GRB10: variants seen among roughly 807,000 people sequenced by gnomAD.
GRB10 encodes the protein growth factor receptor-bound protein 10.
In GRB10, 20 loss-of-function variants were observed where a neutral mutation model predicts 80.9. That is an observed-to-expected ratio of 0.25 (90% CI 0.17 to 0.36). The LOEUF is 0.36. Ranked by LOEUF, GRB10 falls within the 10% of genes least tolerant of loss-of-function variation. The pLI is 1.00. For missense variants in GRB10, 548 were observed against 747.7 expected, an observed-to-expected ratio of 0.73 and a Z score of 3.12; for synonymous variants, 291 against 291.5, an observed-to-expected ratio of 1.00 and a Z score of 0.02.
At chr7:50,593,379 C>T (rs1327148849) in intron 18 of GRB10, among the ~76,000 whole-genome samples, 3 of 151,988 alleles carry the variant, frequency 2.0e-5, no homozygotes, top group Non-Finnish European at 2.9e-5. Context: ...GGGAAGGGCT[C>T]GAAGTTGCCC....
chr7:50,761,814 A>C (rs2075797710), intron 2 of GRB10: 3 of 152,290 alleles, frequency 2.0e-5, no homozygotes, highest in Admixed American at 1.3e-4. Flanking sequence ...TGAATGGTTT[A>C]GCACCATCCT....
chr7:50,726,516 T>C (rs1403400084), intron 4 of GRB10, among the ~76,000 whole-genome samples: 2 of 152,188 alleles, frequency 1.3e-5, no homozygotes, highest in African/African-American at 4.8e-5. Context: ...TTTGAGAAGA[T>C]TTAGGCATTA....
At chr7:50,732,478 C>A (rs2069984379) in intron 3 of GRB10, 110 bp from the exon 4 acceptor site, 4 of 706,012 alleles carry the variant, frequency 5.7e-6, no homozygotes, top group East Asian at 2.7e-5. Context: ...TTGGTCTTAG[C>A]TTGTAGGTTC....
intron 4 of GRB10, among the ~76,000 whole-genome samples, chr7:50,726,502 G>C (rs973632821): frequency 1.3e-5 from 2 of 152,094 alleles, no homozygotes; most frequent in African/African-American, 4.8e-5. Flanking sequence ...TGAGGATGAT[G>C]ATGTTTGAGA....
At chr7:50,676,511 G>A (rs1458814436) in intron 5 of GRB10, among the ~76,000 whole-genome samples, 1 of 152,158 alleles carries the variant, frequency 6.6e-6, no homozygotes, top group Non-Finnish European at 1.5e-5. Flanking sequence ...AGGCCTGGAA[G>A]AATTAAATCA....
chr7:50,714,673 A>AC (rs1486198723), intron 4 of GRB10, among the ~76,000 whole-genome samples: 2 of 149,794 alleles, frequency 1.3e-5, no homozygotes, highest in Non-Finnish European at 3.0e-5. Flanking sequence ...AAAAAAAAAA[A>AC]CAAAAAACGG....
intron 4 of GRB10, 104 bp downstream of exon 4, chr7:50,732,168 G>A (rs2069885325): frequency 8.6e-7 from 1 of 1,168,592 alleles, no homozygotes; most frequent in Non-Finnish European, 1.3e-6. Flanking sequence ...GTGTCCTAGT[G>A]ACCTGAGAGC....
chr7:50,620,311 T>C (rs1282186947), intron 8 of GRB10, among the ~76,000 whole-genome samples: 3 of 152,176 alleles, frequency 2.0e-5, no homozygotes, highest in Non-Finnish European at 2.9e-5. Flanking sequence ...CCTAAGACCC[T>C]ACCCTCCTCT....
chr7:50,721,248 C>A (rs11238297), intron 4 of GRB10, among the ~76,000 whole-genome samples: 88,104 of 152,068 alleles, frequency 0.58, 27,186 homozygotes, highest in Middle Eastern at 0.79. Flanking sequence ...ATAAATAATT[C>A]ATCAGTTTCA....
chr7:50,718,993 CA>C (rs2153683421), intron 4 of GRB10, among the ~76,000 whole-genome samples: 1 of 152,278 alleles, frequency 6.6e-6, no homozygotes, highest in South Asian at 2.1e-4. Context: ...CTGATCCATT[CA>C]ACAAATATTT....
chr7:50,656,774 A>G (rs1164446059), intron 7 of GRB10, among the ~76,000 whole-genome samples: 1 of 152,266 alleles, frequency 6.6e-6, no homozygotes, highest in Non-Finnish European at 1.5e-5. Flanking sequence ...GAATGGGGTC[A>G]GGGCTCGGAA....
At chr7:50,744,738 A>G (rs958599910) in intron 3 of GRB10, among the ~76,000 whole-genome samples, 11 of 152,362 alleles carry the variant, frequency 7.2e-5, no homozygotes, top group Middle Eastern at 3.4e-3. Context: ...GGAGCTTCTC[A>G]CATGGAGATG....
At chr7:50,693,177 T>C (rs550862782) in intron 5 of GRB10, among the ~76,000 whole-genome samples, 1 of 152,310 alleles carries the variant, frequency 6.6e-6, no homozygotes, top group Admixed American at 6.5e-5. Context: ...AGCCAGGCTA[T>C]GTCCCTCGGC....
chr7:50,679,532 G>A (rs564438667), intron 5 of GRB10, among the ~76,000 whole-genome samples: 3 of 152,180 alleles, frequency 2.0e-5, no homozygotes, highest in Non-Finnish European at 4.4e-5. Flanking sequence ...ATAAGGACAT[G>A]TTATTTGCAC....
chr7:50,684,260 T>C lies in GRB10; in HGVS notation c.140-9602A>G, dbSNP rs555475922. 6.6e-4 allele frequency among the ~76,000 whole-genome samples: 47 copies of C among 70,814 alleles called. No individual in the cohort carries two copies. In the East Asian group the frequency reaches 0.019, roughly 29 times the overall value. The allele number at this position is 70,814 out of a possible 152,430, so 46.5% of individuals were successfully genotyped here. On this transcript the variant is annotated intron_variant, in intron 5 of 18. Transcript: ENST00000401949. The stretch of plus-strand genomic sequence containing the variant: ...TGGCGGCCAGACAACTGCAACTCAA[T>C]CATCACCAAAAAAAAAAAAAAAAAA...
chr7:50,789,979 C>T (rs187874221), intron 1 of GRB10, among the ~76,000 whole-genome samples: 19 of 152,300 alleles, frequency 1.2e-4, no homozygotes, highest in African/African-American at 4.3e-4. Context: ...CTTTTATCTC[C>T]CTGCAGTTAG....
intron 7 of GRB10, among the ~76,000 whole-genome samples, chr7:50,648,088 A>G (rs1039210857): frequency 1.3e-5 from 2 of 152,134 alleles, no homozygotes; most frequent in African/African-American, 2.4e-5. Context: ...AGTAATCAAC[A>G]TAGGGACAAG....
chr7:50,713,388 T>C (rs1395529674), intron 4 of GRB10, among the ~76,000 whole-genome samples: 2 of 150,206 alleles, frequency 1.3e-5, no homozygotes, highest in African/African-American at 4.9e-5. Flanking sequence ...TCCTCTACCT[T>C]CTCCACCTCC....
intron 5 of GRB10, among the ~76,000 whole-genome samples, chr7:50,678,589 G>A (rs997520150): frequency 6.6e-6 from 1 of 152,144 alleles, no homozygotes; most frequent in African/African-American, 2.4e-5. Flanking sequence ...AAATTCTAAC[G>A]AAGAGCGACA....
Sources: allele counts gnomAD v4.1 joint callset (sites outside exome capture counted in the v4.1 genomes callset), GRCh38; gene constraint gnomAD v4.1.1; transcripts MANE v1.5; gene names NCBI Gene and HGNC (gene_info 2026-07-23, HGNC 2026-07-21).